The following LSM8 variants were observed in gnomAD, a reference collection of about 807,000 sequenced individuals.
LSM8 encodes LSM8 homolog, U6 small nuclear RNA associated.
LSM8 carries 14 observed loss-of-function variants against 15.0 expected under a neutral mutation model. The ratio of observed to expected loss-of-function variants is 0.93; its 90% CI spans 0.62 to 1.46. The LOEUF (loss-of-function observed/expected upper bound fraction) is 1.46. Ranked by LOEUF, LSM8 falls within the 40% of genes most tolerant of loss-of-function variation. LSM8 has a pLI of 0.00. For missense variants in LSM8, 90 were observed against 115.4 expected, an observed-to-expected ratio of 0.78 and a Z score of 1.01; for synonymous variants, 50 against 42.1, an observed-to-expected ratio of 1.19 and a Z score of -0.73.
intron 3 of LSM8, 178 bp from the exon 4 acceptor site, chr7:118,191,734 T>C (rs1386514911): frequency 1.9e-6 from 1 of 537,316 alleles, no homozygotes. Flanking sequence ...GACTTAAATA[T>C]GCAGTTCACT....
At position 118,197,281 on chromosome 7, in the gene LSM8, TAAA is replaced by T. The variant is rs1809096573; in HGVS notation, c.*5282_*5284del. Among the ~76,000 whole-genome samples, 1 of 151,978 alleles carries T rather than the reference TAAA, an allele frequency of 6.6e-6. No homozygotes were observed. On this transcript the variant is annotated 3_prime_UTR_variant, in exon 4 of 4. Transcript: ENST00000249299. The stretch of plus-strand genomic sequence containing the variant: ...AATTGTTATTACATTTGAAATACGT[TAAA>T]AAGAATCCAGGAGTCAGGGTGGGTG...
chr7:118,203,675 G>T lies in LSM8; in HGVS notation c.*11673G>T, dbSNP rs1158900510. ...AAAGTCATCTGCCAGATCTAACATG[G>T]TATACTCTAATGGAAAAATCATCAA... On this transcript the variant is annotated 3_prime_UTR_variant, in exon 4 of 4. Coordinates refer to ENST00000249299, the MANE Select transcript of LSM8 (RefSeq NM_016200.5). 1.3e-5 allele frequency among the ~76,000 whole-genome samples: 2 copies of T among 151,698 alleles called. No homozygotes were observed. The highest frequency in any genetic ancestry group is 3.0e-5 in the Non-Finnish European group (2 of 67,766).
intron 3 of LSM8, chr7:118,189,935 A>G (rs1298119319): frequency 1.3e-5 from 2 of 152,196 alleles, no homozygotes; most frequent in African/African-American, 2.4e-5. Flanking sequence ...AATTAATTTT[A>G]ATAGTTACAT....
chr7:118,203,002 C>G lies in LSM8; in HGVS notation c.*11000C>G, dbSNP rs1185597441. Among the ~76,000 whole-genome samples, 1 of 151,940 alleles carries G rather than the reference C, an allele frequency of 6.6e-6. No homozygotes were observed. The highest frequency in any genetic ancestry group is 1.5e-5 in the Non-Finnish European group (1 of 67,912). On this transcript the variant is annotated 3_prime_UTR_variant, in exon 4 of 4. Coordinates refer to ENST00000249299, the MANE Select transcript of LSM8 (RefSeq NM_016200.5). The stretch of plus-strand genomic sequence containing the variant: ...TGGCGTCAAGTCCCTCCCTATCAGT[C>G]TTTAAAAACTGTAGCCTTAAATCAG...
In LSM8 at chr7:118,200,342, T is replaced by C. The variant is rs1809151639; in HGVS notation, c.*8340T>C. Among the ~76,000 whole-genome samples the C allele has an allele frequency of 6.6e-6, 1 of 152,096 alleles. No homozygotes were observed. Among genetic ancestry groups the C allele is most frequent in the African/African-American group, 2.4e-5 (1 of 41,406 alleles). On this transcript the variant is annotated 3_prime_UTR_variant, in exon 4 of 4. Transcript: ENST00000249299. ...TGCTGAATTTGAAGACTATTAATGA[T>C]GCAGCTCTCACTGGTACAAGTGAAA...
chr7:118,188,471 C>T (rs376663526), intron 3 of LSM8, 66 bp downstream of exon 3: 17 of 1,392,040 alleles, frequency 1.2e-5, no homozygotes, highest in South Asian at 1.0e-4. Flanking sequence ...AGAGGCTTTC[C>T]CCAAAATACC....
intron 2 of LSM8, among the ~76,000 whole-genome samples, chr7:118,186,122 T>G (rs1273298709): frequency 6.6e-6 from 1 of 152,218 alleles, no homozygotes; most frequent in East Asian, 1.9e-4. Flanking sequence ...TGTTTTTAGG[T>G]TGTGTGACAT....
chr7:118,184,232 C>A lies in LSM8; in HGVS notation c.9C>A (p.Ser3=), dbSNP rs898825669. 4 of 1,540,562 alleles carry A rather than the reference C, an allele frequency of 2.6e-6. No homozygotes were observed. The Admixed American group carries it at 6.0e-5, about 23-fold the overall frequency. Residue 3 remains serine (S), a synonymous_variant, in exon 1 of 4, where the codon TCC becomes TCA. Transcript: ENST00000249299. ...CCGCCGGGCCGAACAGCATGACGTC[C>A]GCTTTGGAGAACTACATCAACCGTA... MT[S]ALENYINRTV...
rs1294620005 is a variant in LSM8, at chr7:118,199,501, T to C, written c.*7499T>C. 6.6e-6 allele frequency among the ~76,000 whole-genome samples: 1 copy of C among 152,096 alleles called. No homozygotes were observed. The highest frequency in any genetic ancestry group is 1.5e-5 in the Non-Finnish European group (1 of 68,024). ...TGAGCTGACACATTTTCATGTCAGA[T>C]TTTCAGATATGATAAAGGCTGGAAG... On this transcript the variant is annotated 3_prime_UTR_variant, in exon 4 of 4. Transcript: ENST00000249299.
At position 118,187,921 on chromosome 7, in the gene LSM8, C is replaced by G. The variant is rs187680276; in HGVS notation, c.73-357C>G. On this transcript the variant is annotated intron_variant, in intron 2 of 3. Transcript: ENST00000249299. Reference sequence around the variant, plus strand: ...TTCTTCCTTATTTATGTATATTTGGCTATCATTTTCCCTTAAATATCCTTT... The same window carrying G: ...TTCTTCCTTATTTATGTATATTTGGGTATCATTTTCCCTTAAATATCCTTT... Among the ~76,000 whole-genome samples, 180 of 152,280 alleles carry G rather than the reference C, an allele frequency of 1.2e-3. 1 individual carries two copies. The highest frequency in any genetic ancestry group is 1.2e-3 in the Non-Finnish European group (85 of 68,016).
chr7:118,189,203 T>C (rs1808934868), intron 3 of LSM8: 1 of 150,374 alleles, frequency 6.7e-6, no homozygotes, highest in African/African-American at 2.5e-5. Flanking sequence ...GAGGTTGCAG[T>C]GAGCCGAGAT....
Position 118,193,575 on chromosome 7 carries a change from C to T in LSM8, c.*1573C>T, listed in dbSNP as rs1809023951. Among the ~76,000 whole-genome samples the T allele has an allele frequency of 6.6e-6, 1 of 151,872 alleles. No individual in the cohort carries two copies. The highest frequency in any genetic ancestry group is 2.4e-5 in the African/African-American group (1 of 41,342). On this transcript the variant is annotated 3_prime_UTR_variant, in exon 4 of 4. Transcript: ENST00000249299. ...AATTAGAGAAGTTAGCTAGTATTGGCTATTCATAAGTACTTGACTTGTAGT... is the reference window on the plus strand; with the variant it reads ...AATTAGAGAAGTTAGCTAGTATTGGTTATTCATAAGTACTTGACTTGTAGT...
rs571961500 is a variant in LSM8 at position 118,200,871 on chromosome 7, A to T, written c.*8869A>T. Among the ~76,000 whole-genome samples the T allele has an allele frequency of 6.6e-6, 1 of 152,160 alleles. No homozygotes were observed. The highest frequency in any genetic ancestry group is 6.6e-5 in the Admixed American group (1 of 15,244). On this transcript the variant is annotated 3_prime_UTR_variant, in exon 4 of 4. Coordinates refer to ENST00000249299, the MANE Select transcript of LSM8 (RefSeq NM_016200.5). ...TTCTACTTGTTTCTTGTAAAAAAGG[A>T]GGTTTCTAAATCTTGACTGTTGATT...
rs1447267692 is a variant in LSM8, at chr7:118,194,623, G to T, written c.*2621G>T. Among the ~76,000 whole-genome samples the T allele has an allele frequency of 6.6e-6, 1 of 152,068 alleles. No homozygotes were observed. The highest frequency in any genetic ancestry group is 1.5e-5 in the Non-Finnish European group (1 of 68,004). Reference sequence around the variant, plus strand: ...GTATGATAAAAACAACTTTTAAATGGTATTTAATGCAAATACAGAATAACG... The same window carrying T: ...GTATGATAAAAACAACTTTTAAATGTTATTTAATGCAAATACAGAATAACG... On this transcript the variant is annotated 3_prime_UTR_variant, in exon 4 of 4. Coordinates refer to ENST00000249299, the MANE Select transcript of LSM8 (RefSeq NM_016200.5).
Position 118,193,479 on chromosome 7 carries a change from A to C in LSM8, c.*1477A>C, listed in dbSNP as rs1057312013. ...GGGGGAGGAAAATATCTTCACTCAA[A>C]TCAGCCTTATAAGGGGAGAAGCACT... On this transcript the variant is annotated 3_prime_UTR_variant, in exon 4 of 4. Transcript: ENST00000249299. 6.6e-6 allele frequency among the ~76,000 whole-genome samples: 1 copy of C among 152,106 alleles called. No homozygotes were observed. Among genetic ancestry groups the C allele is most frequent in the Non-Finnish European group, 1.5e-5 (1 of 67,964 alleles).
intron 3 of LSM8, chr7:118,188,704 C>T (rs905932907): frequency 5.3e-6 from 1 of 189,596 alleles, no homozygotes; most frequent in Non-Finnish European, 1.1e-5. Context: ...AAGGGCTCTG[C>T]CTTATATTAA....
intron 2 of LSM8, among the ~76,000 whole-genome samples, chr7:118,186,259 C>G (rs527606242): frequency 1.3e-5 from 2 of 152,202 alleles, no homozygotes; most frequent in East Asian, 3.9e-4. Flanking sequence ...TAAAACGTTC[C>G]TATAGTGATA....
chr7:118,184,296 G>C (rs1808844531), intron 1 of LSM8, 42 bp downstream of exon 1: 4 of 1,458,352 alleles, frequency 2.7e-6, no homozygotes, highest in African/African-American at 1.5e-5. Context: ...CCGGGGTCGC[G>C]GAGAGGCCGC....
At position 118,196,634 on chromosome 7, in the gene LSM8, A is replaced by C. The variant is rs751619992; in HGVS notation, c.*4632A>C. Among the ~76,000 whole-genome samples, 1 of 148,582 alleles carries C rather than the reference A, an allele frequency of 6.7e-6. No homozygotes were observed. Among genetic ancestry groups the C allele is most frequent in the Non-Finnish European group, 1.5e-5 (1 of 66,806 alleles). ...TTTTTTTTAACTCAATTTTTGTGTT[A>C]GTTTTTTGTTATGCCTTTTCATTTC... is the stretch of plus-strand genomic sequence containing the variant. On this transcript the variant is annotated 3_prime_UTR_variant, in exon 4 of 4. Coordinates refer to ENST00000249299, the MANE Select transcript of LSM8 (RefSeq NM_016200.5).
Sources: gnomAD v4.1 joint callset for allele counts (sites outside exome capture counted in the v4.1 genomes callset) on GRCh38, gnomAD v4.1.1 for gene constraint, MANE v1.5 for transcripts, NCBI Gene and HGNC (gene_info 2026-07-23, HGNC 2026-07-21) for gene names.